CNTRL: variants seen among roughly 807,000 people sequenced by gnomAD.
The protein encoded by CNTRL is 110 kDa centrosomal protein.
CNTRL carries 233 observed loss-of-function variants against 303.7 expected under a neutral mutation model. The observed-to-expected ratio is 0.77, with a 90% CI of 0.69 to 0.86. The LOEUF (loss-of-function observed/expected upper bound fraction) is 0.86, where lower values mean the gene tolerates loss of function less well. CNTRL is among the 40% of genes least tolerant of loss of function. The pLI is 0.00. For missense variants in CNTRL, 2,524 were observed against 2,650.6 expected, an observed-to-expected ratio of 0.95 and a Z score of 1.05; for synonymous variants, 900 against 922.2, an observed-to-expected ratio of 0.98 and a Z score of 0.44.
chr9:121,113,052 TATC>T (rs1481006544), intron 9 of CNTRL, among the ~76,000 whole-genome samples: 3 of 152,232 alleles, frequency 2.0e-5, no homozygotes, highest in Non-Finnish European at 2.9e-5. Context: ...TTCCAACCAA[TATC>T]ATATGATATT....
rs149682422 is a variant in CNTRL at position 121,148,852 on chromosome 9, C to G, written c.3640C>G (p.Pro1214Ala). Reference protein sequence around the residue: ...PIRSGLHKLFPSRDADSGGDS... With the variant: ...PIRSGLHKLFASRDADSGGDS... The stretch of plus-strand genomic sequence containing the variant: ...CAGGAGTGGGTTACATAAACTGTTT[C>G]CAAGTAGAGGTAAGTCAAATCACAT... Residue 1214 changes from proline (P) to alanine (A), a missense_variant, in exon 24 of 44, where the codon CCA becomes GCA. Transcript: ENST00000373855. The G allele has an allele frequency of 2.5e-6, 4 of 1,612,296 alleles. No individual in the cohort carries two copies. Among genetic ancestry groups the G allele is most frequent in the Non-Finnish European group, 3.4e-6 (4 of 1,179,368 alleles).
chr9:121,150,744 C>T (rs1351997126), intron 25 of CNTRL: 2 of 404,972 alleles, frequency 4.9e-6, no homozygotes, highest in Non-Finnish European at 8.7e-6. Flanking sequence ...GCCCCGGTAA[C>T]AGCAAAAAAC....
chr9:121,112,559 T>TA lies in CNTRL; in HGVS notation c.1106dup (p.Asn369LysfsTer9), dbSNP rs2049794208. On this transcript the variant is annotated frameshift_variant, in exon 9 of 44. Coordinates refer to ENST00000373855, the MANE Select transcript of CNTRL (RefSeq NM_007018.6). LOFTEE classifies it high-confidence loss of function. ...AAAATTGATGCTAAATTTGAGCCACTAAATTATTATCCATCAGAGGTGAGT... is the reference window on the plus strand; with the variant it reads ...AAAATTGATGCTAAATTTGAGCCACTAAAATTATTATCCATCAGAGGTGAGT... 2 of 1,612,552 alleles carry TA rather than the reference T, an allele frequency of 1.2e-6. No individual in the cohort carries two copies. Among genetic ancestry groups the TA allele is most frequent in the Non-Finnish European group, 1.7e-6 (2 of 1,178,800 alleles).
At chr9:121,093,357 T>C (rs2048749481) in intron 4 of CNTRL, among the ~76,000 whole-genome samples, 1 of 152,164 alleles carries the variant, frequency 6.6e-6, no homozygotes, top group Admixed American at 6.5e-5. Flanking sequence ...AATCCAAAAC[T>C]TTTTGAGCAC....
intron 4 of CNTRL, among the ~76,000 whole-genome samples, chr9:121,094,624 A>G (rs2132482148): frequency 6.6e-6 from 1 of 152,294 alleles, no homozygotes; most frequent in Middle Eastern, 3.4e-3. Flanking sequence ...AATGACAGTG[A>G]GGGAAATCTT....
chr9:121,172,933 T>G (rs1396263997), intron 40 of CNTRL, among the ~76,000 whole-genome samples: 1 of 152,218 alleles, frequency 6.6e-6, no homozygotes, highest in Non-Finnish European at 1.5e-5. Flanking sequence ...CTGGTAATAC[T>G]GGAAATCAGA....
chr9:121,106,359 A>T (rs61348947), intron 7 of CNTRL, among the ~76,000 whole-genome samples: 3,194 of 151,456 alleles, frequency 0.021, 109 homozygotes, highest in African/African-American at 0.074. Context: ...AAAAAAACCT[A>T]AAAGCAAAGT....
rs757050694 is a variant in CNTRL at position 121,112,576 on chromosome 9, G to A, written c.1120G>A (p.Glu374Lys). The A allele has an allele frequency of 3.1e-6, 5 of 1,612,200 alleles. No individual in the cohort carries two copies. In the African/African-American group the frequency reaches 6.7e-5, roughly 22 times the overall value. ...KFEPLNYYPS[E>K]YAEIDKAPDE... ...TGAGCCACTAAATTATTATCCATCA[G>A]AGGTGAGTTATTTTAATTTTTTAGT... The change falls in exon 9 of 44, where the codon GAG (glutamate) becomes AAG (lysine). Residue 374 changes from glutamate (E) to lysine (K), a missense_variant and splice_region_variant. Transcript: ENST00000373855.
chr9:121,123,622 AAAAG>A (rs748240891), intron 12 of CNTRL, among the ~76,000 whole-genome samples: 3 of 152,054 alleles, frequency 2.0e-5, no homozygotes, highest in African/African-American at 4.8e-5. Context: ...AAATAAATAA[AAAAG>A]AGAGAGAGAG....
chr9:121,077,606 C>T (rs1448204952), intron 1 of CNTRL, among the ~76,000 whole-genome samples: 2 of 152,064 alleles, frequency 1.3e-5, no homozygotes, highest in Non-Finnish European at 2.9e-5. Flanking sequence ...AATAAAGGAC[C>T]TCATGATAGT....
Position 121,125,884 on chromosome 9 carries a change from A to C in CNTRL, c.1973A>C (p.Gln658Pro). 2 of 1,614,230 alleles carry C rather than the reference A, an allele frequency of 1.2e-6. No individual in the cohort carries two copies. Among genetic ancestry groups the C allele is most frequent in the African/African-American group, 1.3e-5 (1 of 75,072 alleles). ...TLLQRLTEVE[Q>P]ERDQLEIVAM... is the part of the protein sequence containing the mutation. ...TTGCAGAGATTGACAGAAGTCGAGCAGGAGAGAGACCAGCTGGAAATAGTT... is the reference window on the plus strand; with the variant it reads ...TTGCAGAGATTGACAGAAGTCGAGCCGGAGAGAGACCAGCTGGAAATAGTT... Residue 658 changes from glutamine (Q) to proline (P), a missense_variant, in exon 14 of 44, where the codon CAG (glutamine) becomes CCG (proline). Transcript: ENST00000373855.
chr9:121,141,305 AAAGTTAATAGC>A, intron 17 of CNTRL, 65 bp from the exon 18 acceptor site: 1 of 1,173,368 alleles, frequency 8.5e-7, no homozygotes, highest in Admixed American at 1.8e-5. Context: ...CTCTGGAGCT[AAAGTTAATAGC>A]ATGTTTGCAG....
In CNTRL at chr9:121,112,179, T is replaced by C. The variant is rs1175937293; in HGVS notation, c.1003-280T>C. Among the ~76,000 whole-genome samples the C allele has an allele frequency of 2.0e-5, 3 of 152,298 alleles. No homozygotes were observed. In the East Asian group the frequency reaches 5.8e-4, roughly 29 times the overall value. Reference sequence around the variant, plus strand: ...TAATTGATACAAAAATATTTTCATGTTTAACAAATTTAAGTGATTTTTAAA... The same window carrying C: ...TAATTGATACAAAAATATTTTCATGCTTAACAAATTTAAGTGATTTTTAAA... On this transcript the variant is annotated intron_variant, in intron 8 of 43. Coordinates refer to ENST00000373855, the MANE Select transcript of CNTRL (RefSeq NM_007018.6).
chr9:121,156,847 A>G (rs777678751), intron 27 of CNTRL, among the ~76,000 whole-genome samples: 15 of 152,230 alleles, frequency 9.9e-5, no homozygotes, highest in Non-Finnish European at 2.1e-4. Context: ...CCGTAATTAC[A>G]TTATCACCAG....
chr9:121,118,484 G>T lies in CNTRL; in HGVS notation c.1594G>T (p.Glu532Ter), dbSNP rs753046530. The change falls in exon 12 of 44, where the codon GAG becomes TAG. Residue 532 changes from glutamate to a stop codon, truncating the protein, a stop_gained. Transcript: ENST00000373855. LOFTEE classifies it high-confidence loss of function. ...GCAGGAAATTGCCGGAAAGCAGAAG[G>T]AGATTAAGGACCTGCAAATAGCCAT... ...QKQEIAGKQK[E>*]IKDLQIAIDS... The T allele has an allele frequency of 6.2e-7, 1 of 1,610,630 alleles. No homozygotes were observed.
At chr9:121,128,817 T>C (rs1313046244) in intron 14 of CNTRL, among the ~76,000 whole-genome samples, 1 of 152,252 alleles carries the variant, frequency 6.6e-6, no homozygotes, top group Non-Finnish European at 1.5e-5. Flanking sequence ...TTAATTTTTG[T>C]ATAAGGTGTA....
chr9:121,152,698 T>C lies in CNTRL; in HGVS notation c.4172+5T>C. 6.3e-7 allele frequency: 1 copy of C among 1,575,924 alleles called. No individual in the cohort carries two copies. The highest frequency in any genetic ancestry group is 8.7e-7 in the Non-Finnish European group (1 of 1,151,002). On this transcript the variant is annotated splice_donor_5th_base_variant and intron_variant, in intron 26 of 43. Coordinates refer to ENST00000373855, the MANE Select transcript of CNTRL (RefSeq NM_007018.6). Reference sequence around the variant, plus strand: ...CCAGAAACGTCAACAGCAAAAGTAATTAATATATTTTTTATAATTCAGACA... The same window carrying C: ...CCAGAAACGTCAACAGCAAAAGTAACTAATATATTTTTTATAATTCAGACA...
chr9:121,090,966 C>G (rs2048544073), intron 4 of CNTRL, among the ~76,000 whole-genome samples: 1 of 152,186 alleles, frequency 6.6e-6, no homozygotes, highest in Admixed American at 6.5e-5. Context: ...ACATGGATGG[C>G]AGCAGGCCTA....
chr9:121,132,698 TGGA>T (rs770491030), intron 14 of CNTRL, among the ~76,000 whole-genome samples: 30 of 152,218 alleles, frequency 2.0e-4, no homozygotes, highest in Non-Finnish European at 4.1e-4. Context: ...TGCCATCCTT[TGGA>T]GGAGAAGAGG....
Sources: gnomAD v4.1 joint callset for allele counts (sites outside exome capture counted in the v4.1 genomes callset) on GRCh38, gnomAD v4.1.1 for gene constraint, MANE v1.5 for transcripts, NCBI Gene and HGNC (gene_info 2026-07-23, HGNC 2026-07-21) for gene names.